ANXA11: variants seen among roughly 807,000 people sequenced by gnomAD.
The protein encoded by ANXA11 is annexin A11.
ANXA11 carries 57 observed loss-of-function variants against 64.7 expected under a neutral mutation model. The ratio of observed to expected loss-of-function variants is 0.88; its 90% CI spans 0.71 to 1.10. The LOEUF is 1.10. Among genes scored for constraint, ANXA11 ranks in the 50% least tolerant of loss-of-function variants. The pLI, the probability that ANXA11 is intolerant of heterozygous loss-of-function variation, is 0.00. For missense variants in ANXA11, 675 were observed against 670.7 expected (o/e 1.01, Z -0.07); for synonymous variants, 260 against 265.2 (o/e 0.98, Z 0.19).
intron 13 of ANXA11, 134 bp downstream of exon 13, chr10:80,158,966 C>T: frequency 1.4e-6 from 1 of 693,546 alleles, no homozygotes; most frequent in Admixed American, 2.2e-5. Context: ...CATCTGGACA[C>T]TCTGGGCTGA....
At chr10:80,169,400 C>T (rs1251644342) in intron 4 of ANXA11, 42 bp from the exon 5 acceptor site, 2 of 1,595,570 alleles carry the variant, frequency 1.3e-6, no homozygotes, top group East Asian at 2.2e-5. Context: ...ATGGGCCCTG[C>T]TGCACTCCGT....
intron 1 of ANXA11, among the ~76,000 whole-genome samples, chr10:80,186,471 G>A (rs556692216): frequency 6.6e-6 from 1 of 152,280 alleles, no homozygotes; most frequent in South Asian, 2.1e-4. Context: ...CACGTGCCTG[G>A]GTGTATGGGG....
chr10:80,174,635 G>A (rs536962384), intron 2 of ANXA11, among the ~76,000 whole-genome samples: 7 of 152,092 alleles, frequency 4.6e-5, no homozygotes, highest in African/African-American at 1.2e-4. Flanking sequence ...GCAGTGGTGC[G>A]AGCTCAGCTC....
chr10:80,176,028 T>G (rs1846156799), intron 2 of ANXA11, 79 bp downstream of exon 2: 1 of 152,258 alleles, frequency 6.6e-6, no homozygotes, highest in African/African-American at 2.4e-5. Flanking sequence ...CACTCCAGCC[T>G]GGGTGACAGA....
chr10:80,196,238 A>T (rs1006168137), intron 1 of ANXA11, among the ~76,000 whole-genome samples: 1 of 152,188 alleles, frequency 6.6e-6, no homozygotes, highest in African/African-American at 2.4e-5. Flanking sequence ...GACTCTTGAC[A>T]TGCAAAGGTC....
chr10:80,185,053 C>G (rs1846490614), intron 1 of ANXA11, among the ~76,000 whole-genome samples: 1 of 152,180 alleles, frequency 6.6e-6, no homozygotes, highest in Non-Finnish European at 1.5e-5. Flanking sequence ...GGGCAAGGAA[C>G]AGCATAATAA....
At chr10:80,198,379 C>G (rs994409241) in intron 1 of ANXA11, among the ~76,000 whole-genome samples, 1 of 152,194 alleles carries the variant, frequency 6.6e-6, no homozygotes, top group Non-Finnish European at 1.5e-5. Context: ...TTTCCAGACC[C>G]CTAGCAGCTA....
rs548049833 is a variant in ANXA11 at position 80,151,828 on chromosome 10, C to T, written c.*4025G>A. On this transcript the variant is annotated 3_prime_UTR_variant, in exon 16 of 16. Coordinates refer to ENST00000422982, the MANE Select transcript of ANXA11 (RefSeq NM_145868.2). Reference sequence around the variant, plus strand: ...TAGTATTTAGATAAGCGTTAGATTACAGCAGGTTACAGATGCAGTTTCCCA... The same window carrying T: ...TAGTATTTAGATAAGCGTTAGATTATAGCAGGTTACAGATGCAGTTTCCCA... The T allele has an allele frequency of 1.3e-5, 2 of 152,344 alleles. No individual in the cohort carries two copies. The highest frequency in any genetic ancestry group is 4.2e-4 in the South Asian group (2 of 4,818). The allele number at this position is 152,344 out of a possible 1,614,324, so 9.4% of individuals were successfully genotyped here. A position where few individuals can be genotyped will look rare whatever the true frequency, so the allele number is the denominator to read the frequency against.
At chr10:80,162,789 A>G (rs1415758391) in intron 11 of ANXA11, among the ~76,000 whole-genome samples, 3 of 152,204 alleles carry the variant, frequency 2.0e-5, no homozygotes, top group Non-Finnish European at 4.4e-5. Flanking sequence ...CCACCCCACC[A>G]GGAAGTAATG....
chr10:80,158,101 TC>T, intron 13 of ANXA11, 76 bp from the exon 14 acceptor site: 5 of 1,402,564 alleles, frequency 3.6e-6, no homozygotes, highest in Non-Finnish European at 5.0e-6. Context: ...TCTACAAGTG[TC>T]CTCTTAGAGG....
intron 12 of ANXA11, among the ~76,000 whole-genome samples, chr10:80,159,958 G>C (rs1246251266): frequency 6.6e-6 from 1 of 152,156 alleles, no homozygotes; most frequent in Admixed American, 6.5e-5. Context: ...CTGGCTTCTT[G>C]CTGCTCACCT....
intron 1 of ANXA11, among the ~76,000 whole-genome samples, chr10:80,188,513 CACTA>C (rs1846638573): frequency 1.5e-5 from 1 of 65,462 alleles, no homozygotes; most frequent in Non-Finnish European, 3.4e-5. Flanking sequence ...ATATATATAG[CACTA>C]CAACAGGTAT....
Position 80,170,929 on chromosome 10 carries a change from C to A in ANXA11, c.56-14G>T. On this transcript the variant is annotated splice_polypyrimidine_tract_variant and intron_variant, in intron 3 of 15. Coordinates refer to ENST00000422982, the MANE Select transcript of ANXA11 (RefSeq NM_145868.2). ...AGGGACCACCACCTGAAAGCAACAC[C>A]AAGCCCTTTAGCCCCCTGCCAGTCC... 6.3e-7 allele frequency: 1 copy of A among 1,586,444 alleles called. No individual in the cohort carries two copies. Among genetic ancestry groups the A allele is most frequent in the Non-Finnish European group, 8.6e-7 (1 of 1,166,604 alleles).
rs1564594700 is a variant in ANXA11 at position 80,154,186 on chromosome 10, C to T, written c.*1667G>A. On this transcript the variant is annotated 3_prime_UTR_variant, in exon 16 of 16. Transcript: ENST00000422982. ...GTGTGATCTCAGCTCACTACAACCT[C>T]TGCCTCCTGGGTTCAAGTGATTCTC... is the stretch of plus-strand genomic sequence containing the variant. 6.6e-6 allele frequency: 1 copy of T among 151,736 alleles called. No homozygotes were observed. The highest frequency in any genetic ancestry group is 2.1e-4 in the South Asian group (1 of 4,814). The allele number at this position is 151,736 out of a possible 1,614,324, so 9.4% of individuals were successfully genotyped here. A position where few individuals can be genotyped will look rare whatever the true frequency, so the allele number is the denominator to read the frequency against.
At position 80,151,039 on chromosome 10, in the gene ANXA11, G is replaced by A. The variant is rs910325835; in HGVS notation, c.*4814C>T. The A allele has an allele frequency of 6.6e-6, 1 of 152,014 alleles. No individual in the cohort carries two copies. The highest frequency in any genetic ancestry group is 2.4e-5 in the African/African-American group (1 of 41,374). The allele number at this position is 152,014 out of a possible 1,614,324, so 9.4% of individuals were successfully genotyped here. Reference sequence around the variant, plus strand: ...CTTGTGGAATTTCCTATTCCATTTCGTTGACCACATTAAAGTTTTAGAAGC... The same window carrying A: ...CTTGTGGAATTTCCTATTCCATTTCATTGACCACATTAAAGTTTTAGAAGC... On this transcript the variant is annotated 3_prime_UTR_variant, in exon 16 of 16. Transcript: ENST00000422982.
intron 2 of ANXA11, among the ~76,000 whole-genome samples, chr10:80,174,114 G>C (rs939971378): frequency 6.6e-6 from 1 of 152,146 alleles, no homozygotes; most frequent in Non-Finnish European, 1.5e-5. Flanking sequence ...GAGTGCACTG[G>C]CACAATCATG....
chr10:80,171,825 G>C, intron 3 of ANXA11: 1 of 985,534 alleles, frequency 1.0e-6, no homozygotes, highest in Non-Finnish European at 1.2e-6. Context: ...GCAGTGGCAG[G>C]ATCTGGATGG....
chr10:80,180,390 C>T (rs1402518973), intron 1 of ANXA11, among the ~76,000 whole-genome samples: 1 of 152,324 alleles, frequency 6.6e-6, no homozygotes, highest in African/African-American at 2.4e-5. Context: ...AGTGCCATGC[C>T]TGGGACTCTG....
intron 1 of ANXA11, among the ~76,000 whole-genome samples, chr10:80,189,168 C>T (rs1589446673): frequency 6.6e-6 from 1 of 152,270 alleles, no homozygotes; most frequent in Admixed American, 6.5e-5. Flanking sequence ...TGAGAAGCGT[C>T]CTTCAAAGCA....
Sources: gnomAD v4.1 joint callset for allele counts (sites outside exome capture counted in the v4.1 genomes callset) on GRCh38, gnomAD v4.1.1 for gene constraint, MANE v1.5 for transcripts, NCBI Gene and HGNC (gene_info 2026-07-23, HGNC 2026-07-21) for gene names.